The following CD177 variants were observed in gnomAD, a reference collection of about 807,000 sequenced individuals.
The protein encoded by CD177 is CD177 antigen.
In CD177, 41 loss-of-function variants were observed where a neutral mutation model predicts 38.1. The ratio of observed to expected loss-of-function variants is 1.07; its 90% CI spans 0.84 to 1.39. The LOEUF is 1.39. Among genes scored for constraint, CD177 ranks in the 40% most tolerant of loss-of-function variants. CD177 has a pLI of 0.00. For synonymous variants in CD177, 236 were observed against 216.7 expected (o/e 1.09, Z -0.78); for missense variants, 619 against 523.8 (o/e 1.18, Z -1.77).
chr19:43,355,520 A>C, intron 3 of CD177, 141 bp from the exon 4 acceptor site: 3 of 909,764 alleles, frequency 3.3e-6, no homozygotes, highest in Non-Finnish European at 5.4e-6. Context: ...TCCAGATCCC[A>C]TGATGGGAGC....
At chr19:43,354,489 G>A in intron 3 of CD177, 97 bp downstream of exon 3, 2 of 1,314,370 alleles carry the variant, frequency 1.5e-6, no homozygotes, top group African/African-American at 1.5e-5. Context: ...ACCCTCGCTC[G>A]CTATCCCGAC....
At position 43,362,618 on chromosome 19, in the gene CD177, AC is replaced by A; in HGVS notation, c.*301del. On this transcript the variant is annotated 3_prime_UTR_variant, in exon 9 of 9. Transcript: ENST00000618265. ...TCTCCATGTGAGGGGGCAGCAGGAC[AC>A]CCAGGGATCTAGCGTGGGGGAGGAG... 3.7e-6 allele frequency: 1 copy of A among 269,390 alleles called. No homozygotes were observed. Among genetic ancestry groups the A allele is most frequent in the Non-Finnish European group, 7.0e-6 (1 of 143,816 alleles). The allele number at this position is 269,390 out of a possible 1,614,324, so 16.7% of individuals were successfully genotyped here. A position where few individuals can be genotyped will look rare whatever the true frequency, so the allele number is the denominator to read the frequency against.
chr19:43,364,550 A>G (rs1018310888), downstream of CD177, among the ~76,000 whole-genome samples: 11 of 146,256 alleles, frequency 7.5e-5, no homozygotes, highest in African/African-American at 2.3e-4. Flanking sequence ...ATCAGATGCC[A>G]TTCCCCCGAC....
downstream of CD177, among the ~76,000 whole-genome samples, chr19:43,364,528 C>T (rs565901906): frequency 4.3e-3 from 638 of 149,436 alleles, no homozygotes; most frequent in African/African-American, 0.014. Flanking sequence ...AGCCACCCGA[C>T]CTCCCTCTGT....
chr19:43,353,953 C>T lies in CD177; in HGVS notation c.153C>T (p.Ser51=), dbSNP rs568275482. 4.3e-6 allele frequency: 7 copies of T among 1,613,880 alleles called. No homozygotes were observed. In the African/African-American group the frequency reaches 6.7e-5, roughly 15 times the overall value. The change falls in exon 2 of 9, where the codon AGC becomes AGT. Residue 51 remains serine, a synonymous_variant. Transcript: ENST00000618265. ...QWTPKNTSCD[S]GLGCQDTLML... ...CCCCTAAGAACACCAGCTGCGACAG[C>T]GGCTTGGGGTGCCAGGACACGTTGA...
At position 43,362,083 on chromosome 19, in the gene CD177, T is replaced by G. The variant is rs1274517748; in HGVS notation, c.1082-5T>G. On this transcript the variant is annotated splice_polypyrimidine_tract_variant and splice_region_variant and intron_variant, in intron 8 of 8. Transcript: ENST00000618265. The stretch of plus-strand genomic sequence containing the variant: ...GTCCTTTCTGACTTGGTCTTCTCCC[T>G]CTAGGTGGGCTGTCCACCAAAATGA... The G allele has an allele frequency of 6.2e-7, 1 of 1,613,030 alleles. No homozygotes were observed. The highest frequency in any genetic ancestry group is 1.3e-5 in the African/African-American group (1 of 74,862).
At chr19:43,359,871 T>G (rs1014656085) in intron 5 of CD177, among the ~76,000 whole-genome samples, 1 of 137,482 alleles carries the variant, frequency 7.3e-6, no homozygotes, top group Non-Finnish European at 1.5e-5. Context: ...CTTCGCATCT[T>G]GTTTGGAACA....
chr19:43,354,562 C>T, intron 3 of CD177, 170 bp downstream of exon 3: 2 of 685,062 alleles, frequency 2.9e-6, no homozygotes, highest in Admixed American at 2.4e-5. Context: ...GCTCCCTTTC[C>T]ATCCCTCCCC....
chr19:43,354,297 T>C lies in CD177; in HGVS notation c.284T>C (p.Leu95Pro). The change falls in exon 3 of 9, where the codon CTC (leucine) becomes CCC (proline). Residue 95 changes from leucine to proline, a missense_variant. Physicochemically the swap from Leu to Pro is moderately conservative, Grantham distance 98 (BLOSUM62 -3). Coordinates refer to ENST00000618265, the MANE Select transcript of CD177 (RefSeq NM_020406.4). ...ACTGAGCACCGGATGGGCCCCGGCC[T>C]CTCCCTGATCTCCTACACCTTCGTG... ...RVTEHRMGPGLSLISYTFVCR... is the reference protein window; with the variant it reads ...RVTEHRMGPGPSLISYTFVCR... 1.9e-6 allele frequency: 3 copies of C among 1,613,840 alleles called. No homozygotes were observed. Among genetic ancestry groups the C allele is most frequent in the Non-Finnish European group, 2.5e-6 (3 of 1,179,850 alleles).
intron 5 of CD177, 96 bp from the exon 6 acceptor site, chr19:43,360,169 G>A: frequency 1.4e-6 from 2 of 1,426,860 alleles, no homozygotes; most frequent in Non-Finnish European, 1.9e-6. Flanking sequence ...CCTGGAGTGT[G>A]ACTCAAGAGT....
downstream of CD177, among the ~76,000 whole-genome samples, chr19:43,366,044 G>A (rs936557181): frequency 2.0e-5 from 3 of 152,190 alleles, no homozygotes; most frequent in South Asian, 2.1e-4. Flanking sequence ...GAGGAGGCGC[G>A]GAATTTCTCT....
intron 3 of CD177, 46 bp downstream of exon 3, chr19:43,354,438 G>A (rs768232120): frequency 5.6e-6 from 9 of 1,597,154 alleles, no homozygotes; most frequent in Non-Finnish European, 7.7e-6. Context: ...TGCTAGAAGG[G>A]GATCCGCTGA....
intron 5 of CD177, 55 bp from the exon 6 acceptor site, chr19:43,360,210 G>C: frequency 6.3e-7 from 1 of 1,592,040 alleles, no homozygotes; most frequent in Non-Finnish European, 8.6e-7. Flanking sequence ...AGGACGTGGA[G>C]GGACAGACAT....
At chr19:43,354,453 A>T in intron 3 of CD177, 61 bp downstream of exon 3, 1 of 1,569,288 alleles carries the variant, frequency 6.4e-7, no homozygotes, top group South Asian at 1.1e-5. Context: ...CGCTGAGCAC[A>T]GAGGGGCTGT....
Position 43,362,412 on chromosome 19 carries a change from C to T in CD177, c.*92C>T, listed in dbSNP as rs907450717. On this transcript the variant is annotated 3_prime_UTR_variant, in exon 9 of 9. Transcript: ENST00000618265. Reference sequence around the variant, plus strand: ...ACCTAATGGCCTTGGACACCAGATTCTTTCCCATTCTGTCCATGAATCATC... The same window carrying T: ...ACCTAATGGCCTTGGACACCAGATTTTTTCCCATTCTGTCCATGAATCATC... 5.0e-6 allele frequency: 3 copies of T among 604,616 alleles called. No homozygotes were observed. The highest frequency in any genetic ancestry group is 8.8e-6 in the Non-Finnish European group (3 of 340,814). The allele number at this position is 604,616 out of a possible 1,614,324, so 37.5% of individuals were successfully genotyped here.
chr19:43,355,834 G>T, intron 4 of CD177, 51 bp downstream of exon 4: 2 of 1,611,132 alleles, frequency 1.2e-6, no homozygotes, highest in South Asian at 1.1e-5. Context: ...GAAGGTCTGG[G>T]GACTGAGATC....
At chr19:43,360,908 G>A in intron 6 of CD177, 1 of 604,310 alleles carries the variant, frequency 1.7e-6, no homozygotes, top group East Asian at 2.8e-5. Context: ...AGTGCTCAGG[G>A]GAGACTCATG....
Position 43,362,317 on chromosome 19 carries a change from C to A in CD177, c.1311C>A (p.Cys437Ter), listed in dbSNP as rs778456903. ...GGTGGGGAGTGGTTTGCCCTTCCTG[C>A]TAACTCTATTACCCCCACGATTCTT... ...ALWWGVVCPS[C>*] Residue 437 changes from cysteine (C) to a stop codon, truncating the protein, a stop_gained, in exon 9 of 9, where the codon TGC becomes TGA. Transcript: ENST00000618265. LOFTEE classifies it high-confidence loss of function. 9 of 1,451,256 alleles carry A rather than the reference C, an allele frequency of 6.2e-6. No individual in the cohort carries two copies. The Admixed American group carries it at 1.6e-4, about 26-fold the overall frequency. The allele number at this position is 1,451,256 out of a possible 1,614,324, so 89.9% of individuals were successfully genotyped here.
chr19:43,355,756 T>C lies in CD177; in HGVS notation c.475T>C (p.Tyr159His). ...CTGCCCCAAGGGGACCACACACTGT[T>C]ATGATGGCCTCCTCAGGCTCAGGGG... is the stretch of plus-strand genomic sequence containing the variant. ...EICPKGTTHCYDGLLRLRGGG... is the reference protein window; with the variant it reads ...EICPKGTTHCHDGLLRLRGGG... Residue 159 changes from tyrosine (Y) to histidine (H), a missense_variant, in exon 4 of 9, where the codon TAT (tyrosine) becomes CAT (histidine). Physicochemically the swap from Tyr to His is moderately conservative, Grantham distance 83. Coordinates refer to ENST00000618265, the MANE Select transcript of CD177 (RefSeq NM_020406.4). The C allele has an allele frequency of 6.2e-7, 1 of 1,613,132 alleles. No homozygotes were observed. Among genetic ancestry groups the C allele is most frequent in the Non-Finnish European group, 8.5e-7 (1 of 1,179,494 alleles).
Sources: allele counts gnomAD v4.1 joint callset (sites outside exome capture counted in the v4.1 genomes callset), GRCh38; gene constraint gnomAD v4.1.1; transcripts MANE v1.5; gene names NCBI Gene and HGNC (gene_info 2026-07-23, HGNC 2026-07-21).